GNAI2: variants seen among roughly 807,000 people sequenced by gnomAD.
GNAI2 encodes G protein subunit alpha i2.
In GNAI2, 4 loss-of-function variants were observed where a neutral mutation model predicts 36.8. The ratio of observed to expected loss-of-function variants is 0.11; its 90% confidence interval spans 0.05 to 0.25. The LOEUF (loss-of-function observed/expected upper bound fraction) is 0.25. Among genes scored for constraint, GNAI2 ranks in the 10% least tolerant of loss-of-function variants. The pLI is 1.00. For missense variants in GNAI2, 230 were observed against 481.3 expected (o/e 0.48, Z 4.89); for synonymous variants, 194 against 194.1 (o/e 1.00, Z 0.01).
upstream of GNAI2, chr3:50,229,450 T>G (rs1158241227): frequency 2.0e-5 from 3 of 152,258 alleles, no homozygotes; most frequent in Admixed American, 6.5e-5. Context: ...CAGTTGGGTT[T>G]GTAGGGCTAG....
At chr3:50,233,211 G>A (rs1575435152), upstream of GNAI2, among the ~76,000 whole-genome samples, 1 of 152,260 alleles carries the variant, frequency 6.6e-6, no homozygotes, top group East Asian at 1.9e-4. Context: ...GGACTGGAAA[G>A]GAGCAGCTGA....
chr3:50,231,344 T>C (rs1323209440), upstream of GNAI2, among the ~76,000 whole-genome samples: 1 of 152,222 alleles, frequency 6.6e-6, no homozygotes, highest in Admixed American at 6.5e-5. Context: ...AATGGTGCGA[T>C]CTCAGCTCAC....
chr3:50,247,166 C>T, intron 1 of GNAI2: 1 of 687,152 alleles, frequency 1.5e-6, no homozygotes, highest in Middle Eastern at 2.3e-4. Context: ...GTGAGAAGAG[C>T]TTTGCATTTA....
Position 50,256,985 on chromosome 3 carries a change from A to C in GNAI2, c.772A>C (p.Lys258Gln). The C allele has an allele frequency of 2.5e-6, 4 of 1,614,146 alleles. No homozygotes were observed. The highest frequency in any genetic ancestry group is 3.4e-6 in the Non-Finnish European group (4 of 1,179,980). ...GCTATTCGATAGCATCTGCAACAAC[A>C]AGTGGTTCACAGACACGTCCATCAT... ...MKLFDSICNN[K>Q]WFTDTSIILF... Residue 258 changes from lysine (K) to glutamine (Q), a missense_variant, in exon 7 of 9, where the codon AAG becomes CAG. Physicochemically the swap from Lys to Gln is moderately conservative, Grantham distance 53. Transcript: ENST00000313601.
At chr3:50,228,466 C>T (rs587627368), upstream of GNAI2, among the ~76,000 whole-genome samples, 1 of 151,328 alleles carries the variant, frequency 6.6e-6, no homozygotes, top group South Asian at 2.1e-4. Context: ...GCAGGGGAAT[C>T]GCTTGAGCCT....
intron 1 of GNAI2, among the ~76,000 whole-genome samples, chr3:50,243,165 C>T (rs1236888164): frequency 1.3e-5 from 2 of 152,250 alleles, no homozygotes; most frequent in Non-Finnish European, 2.9e-5. Context: ...TCCTGTGGGC[C>T]ATTCTAGTGG....
chr3:50,232,737 G>A (rs587729874), upstream of GNAI2, among the ~76,000 whole-genome samples: 13 of 152,320 alleles, frequency 8.5e-5, no homozygotes, highest in African/African-American at 2.9e-4. Flanking sequence ...AGGATAAATT[G>A]TAGGGAAACA....
At chr3:50,257,351 G>T (rs1553703399) in intron 7 of GNAI2, 149 bp from the exon 8 acceptor site, 1 of 640,734 alleles carries the variant, frequency 1.6e-6, no homozygotes, top group Non-Finnish European at 2.8e-6. Context: ...CATCTGGCAT[G>T]TATGGGCAGC....
chr3:50,258,105 C>T, intron 8 of GNAI2: 1 of 166,806 alleles, frequency 6.0e-6, no homozygotes, highest in Non-Finnish European at 1.3e-5. Context: ...ATGTGCACCT[C>T]CAGCTCTTGC....
intron 1 of GNAI2, chr3:50,251,388 A>G: frequency 9.9e-7 from 1 of 1,013,028 alleles, no homozygotes; most frequent in Non-Finnish European, 1.2e-6. Context: ...GGGCTGTACC[A>G]GGCCAGGGAA....
rs1317770891 is a variant in GNAI2, at chr3:50,255,191, T to C, written c.465-1001T>C. Among the ~76,000 whole-genome samples the C allele has an allele frequency of 1.3e-5, 2 of 152,178 alleles. No individual in the cohort carries two copies. Among genetic ancestry groups the C allele is most frequent in the African/African-American group, 4.8e-5 (2 of 41,446 alleles). On this transcript the variant is annotated intron_variant, in intron 4 of 8. Coordinates refer to ENST00000313601, the MANE Select transcript of GNAI2 (RefSeq NM_002070.4). The surrounding 1 kb of genome is among the most constrained non-coding windows in gnomAD (Gnocchi z 4.0). ...AGCCAAGGGCCAGCCCCAGCAGCCTTGCCCCAGGAATGAAAAGTCAGCTCT... is the reference window on the plus strand; with the variant it reads ...AGCCAAGGGCCAGCCCCAGCAGCCTCGCCCCAGGAATGAAAAGTCAGCTCT...
upstream of GNAI2, among the ~76,000 whole-genome samples, chr3:50,231,967 C>T (rs1700075057): frequency 2.0e-5 from 3 of 151,038 alleles, no homozygotes; most frequent in Admixed American, 6.6e-5. Context: ...GAGGCCAAGA[C>T]GGGAGGATTG....
rs1380226850 is a variant in GNAI2, at chr3:50,255,346, G to A, written c.465-846G>A. Among the ~76,000 whole-genome samples, 2 of 152,148 alleles carry A rather than the reference G, an allele frequency of 1.3e-5. No individual in the cohort carries two copies. The highest frequency in any genetic ancestry group is 2.9e-5 in the Non-Finnish European group (2 of 68,012). On this transcript the variant is annotated intron_variant, in intron 4 of 8. Coordinates refer to ENST00000313601, the MANE Select transcript of GNAI2 (RefSeq NM_002070.4). The surrounding 1 kb of genome is among the most constrained non-coding windows in gnomAD (Gnocchi z 4.0). ...GGAACTGGTAATGAGGAGCCCCTGG[G>A]ACCCCTGCCAAGCAGGTGTCTGTGC...
At position 50,236,253 on chromosome 3, in the gene GNAI2, G is replaced by T. The variant is rs2109179767; in HGVS notation, c.-83G>T. On this transcript the variant is annotated 5_prime_UTR_variant, in exon 1 of 9. Coordinates refer to ENST00000313601, the MANE Select transcript of GNAI2 (RefSeq NM_002070.4). This position sits in a 1 kb window ranked among gnomAD's most constrained non-coding sequence, Gnocchi z 4.0. ...GTGCTTCCCGCAGAGGGCTGGTGGT[G>T]GGAGCGGAGTGGGTCGGGCGGGGCC... 2 of 1,207,296 alleles carry T rather than the reference G, an allele frequency of 1.7e-6. No homozygotes were observed. The highest frequency in any genetic ancestry group is 3.2e-5 in the African/African-American group (2 of 62,790). 74.8% of individuals were successfully genotyped at this position (1,207,296 alleles called of 1,614,324 possible). A position where few individuals can be genotyped will look rare whatever the true frequency, so the allele number is the denominator to read the frequency against.
rs1700175836 is a variant in GNAI2 at position 50,236,582 on chromosome 3, A to AC, written c.118+131dup. The AC allele has an allele frequency of 7.7e-7, 1 of 1,296,320 alleles. No homozygotes were observed. Among genetic ancestry groups the AC allele is most frequent in the Admixed American group, 3.6e-5 (1 of 27,460 alleles). 80.3% of individuals were successfully genotyped at this position (1,296,320 alleles called of 1,614,324 possible). A position where few individuals can be genotyped will look rare whatever the true frequency, so the allele number is the denominator to read the frequency against. On this transcript the variant is annotated intron_variant, in intron 1 of 8. Transcript: ENST00000313601. This position sits in a 1 kb window ranked among gnomAD's most constrained non-coding sequence, Gnocchi z 4.0. Reference sequence around the variant, plus strand: ...TCTGGGACCCCACACCTGGGCCAGGACCAGGGTTGAAAACTCTAGATTGGA... The same window carrying AC: ...TCTGGGACCCCACACCTGGGCCAGGACCCAGGGTTGAAAACTCTAGATTGGA...
upstream of GNAI2, chr3:50,236,086 AT>A (rs1700158609): frequency 1.4e-6 from 1 of 713,448 alleles, no homozygotes; most frequent in Admixed American, 5.3e-5. This position sits in a 1 kb window ranked among gnomAD's most constrained non-coding sequence, Gnocchi z 4.0. Context: ...ACAGCCTCTA[AT>A]CTCCTCTGGC....
rs1700573441 is a variant in GNAI2 at position 50,252,151 on chromosome 3, T to C, written c.161+9T>C. Reference sequence around the variant, plus strand: ...ATCGTCAAGCAGATGAAGTAAGTGCTGTATTCCAGAGGCAGTGCTCAAACT... The same window carrying C: ...ATCGTCAAGCAGATGAAGTAAGTGCCGTATTCCAGAGGCAGTGCTCAAACT... On this transcript the variant is annotated intron_variant, in intron 2 of 8. Transcript: ENST00000313601. The surrounding 1 kb of genome is among the most constrained non-coding windows in gnomAD (Gnocchi z 4.1). 1 of 1,612,982 alleles carries C rather than the reference T, an allele frequency of 6.2e-7. No individual in the cohort carries two copies. Among genetic ancestry groups the C allele is most frequent in the South Asian group, 1.1e-5 (1 of 91,048 alleles).
chr3:50,238,885 C>T lies in GNAI2; in HGVS notation c.118+2432C>T, dbSNP rs1700243449. On this transcript the variant is annotated intron_variant, in intron 1 of 8. Transcript: ENST00000313601. This position sits in a 1 kb window ranked among gnomAD's most constrained non-coding sequence, Gnocchi z 5.0. The stretch of plus-strand genomic sequence containing the variant: ...TCAGGTTGGGCAACTGCCAGCCTTC[C>T]CTCCCAGCCAGAACCACGCCTGCTG... 6.6e-6 allele frequency among the ~76,000 whole-genome samples: 1 copy of T among 152,214 alleles called. No individual in the cohort carries two copies. Among genetic ancestry groups the T allele is most frequent in the Admixed American group, 6.5e-5 (1 of 15,288 alleles).
Position 50,236,587 on chromosome 3 carries a change from G to C in GNAI2, c.118+134G>C. The C allele has an allele frequency of 2.4e-6, 3 of 1,267,834 alleles. No individual in the cohort carries two copies. Among genetic ancestry groups the C allele is most frequent in the Non-Finnish European group, 3.1e-6 (3 of 955,490 alleles). 78.5% of individuals were successfully genotyped at this position (1,267,834 alleles called of 1,614,324 possible). ...GACCCCACACCTGGGCCAGGACCAG[G>C]GTTGAAAACTCTAGATTGGACTAGA... is the stretch of plus-strand genomic sequence containing the variant. On this transcript the variant is annotated intron_variant, in intron 1 of 8. Coordinates refer to ENST00000313601, the MANE Select transcript of GNAI2 (RefSeq NM_002070.4). The surrounding 1 kb of genome is among the most constrained non-coding windows in gnomAD (Gnocchi z 4.0).
Sources: allele counts gnomAD v4.1 joint callset (sites outside exome capture counted in the v4.1 genomes callset), GRCh38; gene constraint gnomAD v4.1.1; non-coding constraint Gnocchi (gnomAD v3.1); transcripts MANE v1.5; gene names NCBI Gene and HGNC (gene_info 2026-07-23, HGNC 2026-07-21).